Variants in NTM observed in about 807,000 individuals in gnomAD.
The protein encoded by NTM is IgLON family member 2.
Under a neutral mutation model 42.1 loss-of-function variants are expected in NTM, and 13 were observed. The ratio of observed to expected loss-of-function variants is 0.31; its 90% CI spans 0.20 to 0.49. The LOEUF (loss-of-function observed/expected upper bound fraction) is 0.49, where lower values mean the gene tolerates loss of function less well. NTM is among the 20% of genes least tolerant of loss of function. NTM has a pLI of 0.99. For synonymous variants in NTM, 187 were observed against 179.2 expected (o/e 1.04, Z -0.35); for missense variants, 373 against 452.8 (o/e 0.82, Z 1.60).
At chr11:131,436,792 G>T (rs1414952917) in intron 1 of NTM, among the ~76,000 whole-genome samples, 1 of 151,986 alleles carries the variant, frequency 6.6e-6, no homozygotes, top group African/African-American at 2.4e-5. Context: ...CTTCAGTTCT[G>T]CTCTGATCTT....
chr11:132,154,688 C>T (rs1479965770), intron 3 of NTM, among the ~76,000 whole-genome samples: 1 of 152,188 alleles, frequency 6.6e-6, no homozygotes, highest in Non-Finnish European at 1.5e-5. Flanking sequence ...CCTGAGAGTC[C>T]TCATACAAAT....
intron 2 of NTM, chr11:131,922,394 A>G (rs1298815296): frequency 6.6e-6 from 1 of 152,204 alleles, no homozygotes; most frequent in Non-Finnish European, 1.5e-5. Context: ...CCTTTTAATG[A>G]TGACATTCAA....
Position 131,885,948 on chromosome 11 carries a change from G to C in NTM, c.83-25616G>C, listed in dbSNP as rs1446728724. Among the ~76,000 whole-genome samples, 4 of 152,242 alleles carry C rather than the reference G, an allele frequency of 2.6e-5. No homozygotes were observed. In the East Asian group the frequency reaches 7.7e-4, roughly 29 times the overall value. ...GATTTCTGCCTTGGAAGGCTCTTGG[G>C]TTCATTCTTTTCCACCCAGGGAGAA... On this transcript the variant is annotated intron_variant, in intron 1 of 8. Coordinates refer to ENST00000683400, the MANE Select transcript of NTM (RefSeq NM_001352005.2).
intron 1 of NTM, among the ~76,000 whole-genome samples, chr11:131,508,109 T>A (rs893071620): frequency 6.9e-6 from 1 of 145,970 alleles, no homozygotes; most frequent in Non-Finnish European, 1.5e-5. Context: ...ACCTACAAAA[T>A]GGGAGAAAAT....
chr11:132,267,613 C>G (rs925025807), intron 4 of NTM, among the ~76,000 whole-genome samples: 1 of 151,564 alleles, frequency 6.6e-6, no homozygotes, highest in African/African-American at 2.4e-5. Flanking sequence ...GTCAGGAGTT[C>G]AAGACCAGCC....
chr11:132,178,529 C>A lies in NTM; in HGVS notation c.400+32015C>A, dbSNP rs111352002. 8.1e-3 allele frequency among the ~76,000 whole-genome samples: 1,227 copies of A among 152,028 alleles called. 22 individuals carry two copies. Among genetic ancestry groups the A allele is most frequent in the African/African-American group, 0.027 (1,134 of 41,448 alleles). ...TGTTTTGTGTTTTCATTATAAGATTCCTCAAATTTATTGGGGAAATGGTGA... is the reference window on the plus strand; with the variant it reads ...TGTTTTGTGTTTTCATTATAAGATTACTCAAATTTATTGGGGAAATGGTGA... On this transcript the variant is annotated intron_variant, in intron 3 of 8. Coordinates refer to ENST00000683400, the MANE Select transcript of NTM (RefSeq NM_001352005.2).
At chr11:132,070,378 T>A (rs1226934578) in intron 2 of NTM, among the ~76,000 whole-genome samples, 1 of 142,860 alleles carries the variant, frequency 7.0e-6, no homozygotes, top group Admixed American at 7.0e-5. Context: ...ACAGGTTAGT[T>A]AACACGTCAC....
intron 2 of NTM, among the ~76,000 whole-genome samples, chr11:132,047,008 C>T (rs1386935040): frequency 3.3e-5 from 5 of 152,146 alleles, no homozygotes; most frequent in East Asian, 3.9e-4. Flanking sequence ...AGTTAATCTC[C>T]GTTTTACCCA....
chr11:131,924,443 A>G (rs537838846), intron 2 of NTM, among the ~76,000 whole-genome samples: 4 of 151,736 alleles, frequency 2.6e-5, no homozygotes, highest in Non-Finnish European at 5.9e-5. Flanking sequence ...AAGTTTTTTT[A>G]TTTTTCCCCT....
At chr11:132,126,956 A>G (rs2065941630) in intron 2 of NTM, among the ~76,000 whole-genome samples, 1 of 152,206 alleles carries the variant, frequency 6.6e-6, no homozygotes, top group Non-Finnish European at 1.5e-5. Flanking sequence ...ATTAAGAACT[A>G]TTTAACTTGC....
Position 131,435,661 on chromosome 11 carries a change from G to A in NTM, c.82+64773G>A, listed in dbSNP as rs570700647. The stretch of plus-strand genomic sequence containing the variant: ...TGTATCCTGAGATTTTGCTGAAGTT[G>A]CTTATCAGCTTAAGGATATTTTGGG... On this transcript the variant is annotated intron_variant, in intron 1 of 8. Coordinates refer to ENST00000683400, the MANE Select transcript of NTM (RefSeq NM_001352005.2). Among the ~76,000 whole-genome samples the A allele has an allele frequency of 8.1e-4, 124 of 152,306 alleles. No individual in the cohort carries two copies. In the South Asian group the frequency reaches 9.7e-3, roughly 12 times the overall value.
intron 2 of NTM, among the ~76,000 whole-genome samples, chr11:132,068,199 A>T (rs907734002): frequency 6.6e-6 from 1 of 152,210 alleles, no homozygotes; most frequent in Non-Finnish European, 1.5e-5. Context: ...ATATTTTGCA[A>T]TTTAAACAAG....
chr11:131,689,150 T>C (rs1382053295), intron 1 of NTM, among the ~76,000 whole-genome samples: 1 of 151,986 alleles, frequency 6.6e-6, no homozygotes, highest in East Asian at 1.9e-4. Flanking sequence ...GGAGCTCTGC[T>C]TTTTACTTGT....
intron 2 of NTM, among the ~76,000 whole-genome samples, chr11:132,105,620 T>C (rs1175096600): frequency 6.6e-6 from 1 of 152,022 alleles, no homozygotes; most frequent in Non-Finnish European, 1.5e-5. Context: ...GTTTCCAGGG[T>C]CAGTATGAGA....
chr11:131,635,965 A>T (rs1478846386), intron 1 of NTM, among the ~76,000 whole-genome samples: 2 of 152,224 alleles, frequency 1.3e-5, no homozygotes, highest in African/African-American at 4.8e-5. Flanking sequence ...CATGCTGCAC[A>T]GGTCTGTGGC....
chr11:131,523,158 C>G (rs2049978643), intron 1 of NTM, among the ~76,000 whole-genome samples: 1 of 152,170 alleles, frequency 6.6e-6, no homozygotes, highest in African/African-American at 2.4e-5. Flanking sequence ...GGCCAGGGAG[C>G]ATGAGATCAC....
intron 4 of NTM, among the ~76,000 whole-genome samples, chr11:132,295,133 CACACACACAA>C (rs1565410071): frequency 6.6e-6 from 1 of 151,982 alleles, no homozygotes; most frequent in Non-Finnish European, 1.5e-5. Flanking sequence ...CTGTCTCTCT[CACACACACAA>C]ACACACACAC....
At chr11:132,134,757 A>ATATCTATATCTATATC (rs57940839) in intron 2 of NTM, among the ~76,000 whole-genome samples, 1 of 97,280 alleles carries the variant, frequency 1.0e-5, no homozygotes, top group African/African-American at 3.6e-5. Context: ...ATATATATAT[A>ATATCTATATCTATATC]TATCTCACAT....
At chr11:131,402,474 A>G (rs1945352628) in intron 1 of NTM, among the ~76,000 whole-genome samples, 1 of 152,086 alleles carries the variant, frequency 6.6e-6, no homozygotes, top group Admixed American at 6.6e-5. Flanking sequence ...TTTCCATGGG[A>G]AGTGTCAAAG....
Sources: allele counts gnomAD v4.1 joint callset (sites outside exome capture counted in the v4.1 genomes callset), GRCh38; gene constraint gnomAD v4.1.1; transcripts MANE v1.5; gene names NCBI Gene and HGNC (gene_info 2026-07-23, HGNC 2026-07-21).